DOCK10: variants seen among roughly 807,000 people sequenced by gnomAD.
DOCK10 encodes dedicator of cytokinesis 10, also known as dedicator of cytokinesis protein 10.
Under a neutral mutation model 280.1 loss-of-function variants are expected in DOCK10, and 145 were observed. The observed-to-expected ratio is 0.52, with a 90% CI of 0.45 to 0.59. DOCK10 has a LOEUF of 0.59. Ranked by LOEUF, DOCK10 falls within the 20% of genes least tolerant of loss-of-function variation. The pLI, the probability that DOCK10 is intolerant of heterozygous loss-of-function variation, is 0.00. For synonymous variants in DOCK10, 915 were observed against 942.2 expected, an observed-to-expected ratio of 0.97 and a Z score of 0.53; for missense variants, 2,368 against 2,651.7, an observed-to-expected ratio of 0.89 and a Z score of 2.35.
chr2:224,905,663 A>G (rs1238782308), intron 3 of DOCK10, among the ~76,000 whole-genome samples: 1 of 152,210 alleles, frequency 6.6e-6, no homozygotes, highest in South Asian at 2.1e-4. Flanking sequence ...AGGGACACCA[A>G]TACCCAAATC....
chr2:224,852,464 A>C, intron 17 of DOCK10, 22 bp from the exon 18 acceptor site: 2 of 1,545,182 alleles, frequency 1.3e-6, no homozygotes, highest in Non-Finnish European at 1.8e-6. Flanking sequence ...GAGAGAAAAA[A>C]TGGAAATTGT....
chr2:224,899,549 AG>A (rs2125845356), intron 3 of DOCK10, among the ~76,000 whole-genome samples: 1 of 152,312 alleles, frequency 6.6e-6, no homozygotes, highest in South Asian at 2.1e-4. Context: ...AACAAAGGAA[AG>A]GGGCTGGGAG....
chr2:224,945,089 C>T (rs1703320272), intron 1 of DOCK10, among the ~76,000 whole-genome samples: 1 of 152,180 alleles, frequency 6.6e-6, no homozygotes, highest in Non-Finnish European at 1.5e-5. Flanking sequence ...GTAAGATAGA[C>T]ACGTTCTTCT....
chr2:224,839,540 T>C (rs981063325), intron 24 of DOCK10, among the ~76,000 whole-genome samples: 1 of 152,218 alleles, frequency 6.6e-6, no homozygotes, highest in African/African-American at 2.4e-5. Flanking sequence ...AGTGAACTAC[T>C]GATAGATGCA....
chr2:224,883,539 A>G (rs1276355781), intron 7 of DOCK10, among the ~76,000 whole-genome samples: 1 of 152,234 alleles, frequency 6.6e-6, no homozygotes, highest in African/African-American at 2.4e-5. Flanking sequence ...ACTATCTCCC[A>G]GTTCTTTTCA....
At chr2:224,804,747 T>C (rs1364220288) in intron 38 of DOCK10, 47 bp downstream of exon 38, 1 of 1,239,494 alleles carries the variant, frequency 8.1e-7, no homozygotes, top group African/African-American at 1.6e-5. Flanking sequence ...ACATGTCATA[T>C]GCTTTTTAAA....
At chr2:225,038,853 C>T (rs1690335972) in intron 1 of DOCK10, among the ~76,000 whole-genome samples, 1 of 150,628 alleles carries the variant, frequency 6.6e-6, no homozygotes, top group African/African-American at 2.4e-5. Flanking sequence ...AGATCTCATC[C>T]TTCTGGTTAT....
Position 225,038,604 on chromosome 2 carries a change from C to A in DOCK10, c.123+3648G>T, listed in dbSNP as rs183995069. Among the ~76,000 whole-genome samples, 639 of 152,278 alleles carry A rather than the reference C, an allele frequency of 4.2e-3. 2 individuals carry two copies. The highest frequency in any genetic ancestry group is 0.01 in the Middle Eastern group (3 of 294). On this transcript the variant is annotated intron_variant, in intron 1 of 55. Transcript: ENST00000258390. The stretch of plus-strand genomic sequence containing the variant: ...AGAAAACCTCCTGGTTAAGTATAAT[C>A]ACTTCCGGCAGGATGCTTTCTCTTT...
intron 1 of DOCK10, among the ~76,000 whole-genome samples, chr2:224,989,332 T>C (rs192625233): frequency 4.2e-4 from 64 of 152,336 alleles, no homozygotes; most frequent in African/African-American, 1.4e-3. Context: ...GAAACCTCCA[T>C]CTGCTGATTT....
chr2:224,895,204 C>T (rs946427231), intron 4 of DOCK10, among the ~76,000 whole-genome samples: 20 of 152,158 alleles, frequency 1.3e-4, no homozygotes, highest in African/African-American at 4.3e-4. Flanking sequence ...ATTCCGCATT[C>T]GGAAATTGAG....
intron 1 of DOCK10, among the ~76,000 whole-genome samples, chr2:224,994,120 T>G (rs980261313): frequency 6.6e-6 from 1 of 152,188 alleles, no homozygotes; most frequent in Admixed American, 6.5e-5. Context: ...TATATAAGAT[T>G]TTTTAAAAGA....
intron 26 of DOCK10, among the ~76,000 whole-genome samples, chr2:224,832,895 A>G (rs1427604540): frequency 6.6e-6 from 1 of 152,086 alleles, no homozygotes; most frequent in Non-Finnish European, 1.5e-5. Flanking sequence ...CAACTCCTCT[A>G]CTGCCCTCTC....
At chr2:225,017,665 T>C (rs944563662) in intron 1 of DOCK10, among the ~76,000 whole-genome samples, 17 of 133,096 alleles carry the variant, frequency 1.3e-4, no homozygotes, top group African/African-American at 4.8e-4. Context: ...TAGAACTGTC[T>C]AGCCAAAGAA....
chr2:224,807,892 A>G lies in DOCK10; in HGVS notation c.3585+19T>C. On this transcript the variant is annotated intron_variant, in intron 32 of 55. Transcript: ENST00000258390. Reference sequence around the variant, plus strand: ...CCATTAAATGGTGTTTAGGGAAGGGAGAAAGGAAGATCACTTACTGGCTCT... The same window carrying G: ...CCATTAAATGGTGTTTAGGGAAGGGGGAAAGGAAGATCACTTACTGGCTCT... 6.2e-7 allele frequency: 1 copy of G among 1,605,286 alleles called. No homozygotes were observed. The highest frequency in any genetic ancestry group is 8.5e-7 in the Non-Finnish European group (1 of 1,173,586).
intron 26 of DOCK10, 35 bp downstream of exon 26, chr2:224,834,115 T>C: frequency 8.1e-7 from 1 of 1,241,292 alleles, no homozygotes. Context: ...CCATGCCTAG[T>C]ACTCACAGTT....
intron 11 of DOCK10, among the ~76,000 whole-genome samples, chr2:224,873,655 G>T (rs1211091471): frequency 6.9e-6 from 1 of 145,398 alleles, no homozygotes; most frequent in Non-Finnish European, 1.5e-5. Context: ...TACACACAAT[G>T]CCATAGGAAA....
At chr2:224,915,847 G>A (rs762262553) in intron 3 of DOCK10, among the ~76,000 whole-genome samples, 13 of 152,246 alleles carry the variant, frequency 8.5e-5, no homozygotes, top group Non-Finnish European at 1.6e-4. Flanking sequence ...AGTCTGGTTA[G>A]AAGAGAAAGA....
At chr2:224,978,743 T>C (rs999502881) in intron 1 of DOCK10, among the ~76,000 whole-genome samples, 18 of 152,338 alleles carry the variant, frequency 1.2e-4, no homozygotes, top group Admixed American at 1.2e-3. Flanking sequence ...TACTCCTCTT[T>C]ATATAGTTCC....
chr2:224,770,633 G>A lies in DOCK10; in HGVS notation c.6217C>T (p.Pro2073Ser). The A allele has an allele frequency of 6.2e-7, 1 of 1,613,228 alleles. No individual in the cohort carries two copies. Among genetic ancestry groups the A allele is most frequent in the Non-Finnish European group, 8.5e-7 (1 of 1,179,210 alleles). The change falls in exon 54 of 56, where the codon CCA (proline) becomes TCA (serine). Residue 2073 changes from proline (P) to serine (S), a missense_variant. This residue lies in a region of DOCK10 where 1,159 missense variants were observed against 1,400.8 expected (regional missense o/e 0.83). Coordinates refer to ENST00000258390, the MANE Select transcript of DOCK10 (RefSeq NM_014689.3). This position sits in a 1 kb window ranked among gnomAD's most constrained non-coding sequence, Gnocchi z 4.5. Reference protein sequence around the residue: ...GSVSVKVNAGPMAYARAFLEE... With the variant: ...GSVSVKVNAGSMAYARAFLEE... Reference sequence around the variant, plus strand: ...AGAAAAGCTCGTGCATAGGCCATTGGCCCAGCATTAACCTGTTGAGAAGAA... The same window carrying A: ...AGAAAAGCTCGTGCATAGGCCATTGACCCAGCATTAACCTGTTGAGAAGAA...
Sources: gnomAD v4.1 joint callset for allele counts (sites outside exome capture counted in the v4.1 genomes callset) on GRCh38, gnomAD v4.1.1 for gene constraint, gnomAD v4.1.1 regional missense constraint, Gnocchi (gnomAD v3.1) non-coding constraint, MANE v1.5 for transcripts, NCBI Gene and HGNC (gene_info 2026-07-23, HGNC 2026-07-21) for gene names.